The following CTNNA3 variants were observed in gnomAD, a reference collection of about 807,000 sequenced individuals.
CTNNA3 encodes the protein catenin alpha 3.
Under a neutral mutation model 95.7 loss-of-function variants are expected in CTNNA3, and 76 were observed. That is an observed-to-expected ratio of 0.79 (90% CI 0.66 to 0.96). The LOEUF is 0.96. Ranked by LOEUF, CTNNA3 falls within the 40% of genes least tolerant of loss-of-function variation. The pLI is 0.00. For missense variants in CTNNA3, 1,191 were observed against 1,089.8 expected (o/e 1.09, Z -1.31); for synonymous variants, 431 against 374.4 (o/e 1.15, Z -1.74).
chr10:65,969,072 T>C (rs941932629), intron 16 of CTNNA3, among the ~76,000 whole-genome samples: 1 of 152,176 alleles, frequency 6.6e-6, no homozygotes, highest in Non-Finnish European at 1.5e-5. Flanking sequence ...CCATCGGTAT[T>C]GGTCATACAC....
chr10:66,138,116 T>C (rs893156691), intron 13 of CTNNA3, among the ~76,000 whole-genome samples: 3 of 152,146 alleles, frequency 2.0e-5, no homozygotes, highest in Non-Finnish European at 4.4e-5. Flanking sequence ...TTGAAAAGTA[T>C]ATGAAAGAAA....
chr10:67,185,502 A>C (rs1862796605), intron 6 of CTNNA3, among the ~76,000 whole-genome samples: 1 of 152,114 alleles, frequency 6.6e-6, no homozygotes, highest in African/African-American at 2.4e-5. Flanking sequence ...ATTTTTAAAA[A>C]CATGAAAGGA....
intron 5 of CTNNA3, among the ~76,000 whole-genome samples, chr10:67,378,115 T>A (rs149041400): frequency 1.3e-5 from 2 of 152,320 alleles, no homozygotes; most frequent in Non-Finnish European, 2.9e-5. Flanking sequence ...CAGACCCTAG[T>A]GTCCTATGTT....
intron 5 of CTNNA3, among the ~76,000 whole-genome samples, chr10:67,461,224 A>G (rs1434590013): frequency 6.6e-6 from 1 of 152,216 alleles, no homozygotes; most frequent in Admixed American, 6.5e-5. Context: ...GGACATTGAG[A>G]GAACACTGAT....
chr10:67,201,843 G>T (rs995020759), intron 6 of CTNNA3, among the ~76,000 whole-genome samples: 1 of 152,152 alleles, frequency 6.6e-6, no homozygotes, highest in African/African-American at 2.4e-5. Flanking sequence ...GTGCAATGTG[G>T]AAGTATAAGG....
chr10:67,473,110 G>A (rs949362784), intron 5 of CTNNA3, among the ~76,000 whole-genome samples: 5 of 152,200 alleles, frequency 3.3e-5, no homozygotes, highest in Non-Finnish European at 5.9e-5. Flanking sequence ...AATGTTAGAT[G>A]TATGACAAAA....
At position 67,236,420 on chromosome 10, in the gene CTNNA3, A is replaced by C. The variant is rs571037957; in HGVS notation, c.580-16550T>G. On this transcript the variant is annotated intron_variant, in intron 5 of 17. Coordinates refer to ENST00000433211, the MANE Select transcript of CTNNA3 (RefSeq NM_013266.4). The stretch of plus-strand genomic sequence containing the variant: ...GCAAACTATCGCAAGAAGAAAAAAC[A>C]AAACACCGCATATTCTCACTCATAG... Among the ~76,000 whole-genome samples, 363 of 150,338 alleles carry C rather than the reference A, an allele frequency of 2.4e-3. 3 individuals are homozygous for C. Among genetic ancestry groups the C allele is most frequent in the African/African-American group, 8.6e-3 (349 of 40,816 alleles).
At chr10:66,011,558 T>C (rs998803194) in intron 15 of CTNNA3, among the ~76,000 whole-genome samples, 1 of 152,092 alleles carries the variant, frequency 6.6e-6, no homozygotes, top group Non-Finnish European at 1.5e-5. Flanking sequence ...GTCTGGAGTA[T>C]AGGAATGGCA....
At chr10:67,040,900 G>C (rs1391028812) in intron 7 of CTNNA3, among the ~76,000 whole-genome samples, 3 of 152,000 alleles carry the variant, frequency 2.0e-5, no homozygotes, top group Non-Finnish European at 4.4e-5. Context: ...AGATAAAAAA[G>C]ACCTTGACTG....
intron 5 of CTNNA3, among the ~76,000 whole-genome samples, chr10:67,518,007 G>A (rs1401782636): frequency 6.6e-6 from 1 of 152,056 alleles, no homozygotes; most frequent in East Asian, 1.9e-4. Context: ...CAGGTGCAAT[G>A]TTAAGTCCTT....
At chr10:67,043,770 T>G (rs1854553787) in intron 7 of CTNNA3, among the ~76,000 whole-genome samples, 1 of 152,182 alleles carries the variant, frequency 6.6e-6, no homozygotes, top group African/African-American at 2.4e-5. Context: ...ACAGTTTCAG[T>G]CAATCTGATT....
intron 6 of CTNNA3, among the ~76,000 whole-genome samples, chr10:67,208,972 G>A (rs1399615791): frequency 6.6e-6 from 1 of 151,978 alleles, no homozygotes; most frequent in Non-Finnish European, 1.5e-5. Flanking sequence ...AATAATAAAA[G>A]GTACCTTCCA....
At chr10:66,358,975 A>G (rs2092632805) in intron 12 of CTNNA3, among the ~76,000 whole-genome samples, 1 of 152,186 alleles carries the variant, frequency 6.6e-6, no homozygotes, top group Non-Finnish European at 1.5e-5. Flanking sequence ...TTTATAAAAG[A>G]ATCCCACTAT....
At chr10:67,585,632 T>C (rs540870726) in intron 3 of CTNNA3, among the ~76,000 whole-genome samples, 1 of 152,304 alleles carries the variant, frequency 6.6e-6, no homozygotes, top group South Asian at 2.1e-4. Flanking sequence ...TCAATATTTA[T>C]AATCGTCTCT....
At chr10:67,546,731 T>C (rs1444916004) in intron 3 of CTNNA3, among the ~76,000 whole-genome samples, 1 of 152,228 alleles carries the variant, frequency 6.6e-6, no homozygotes, top group African/African-American at 2.4e-5. Flanking sequence ...CACTTTTATA[T>C]TATTCTTGAT....
In CTNNA3 at chr10:66,175,275, A is replaced by G. The variant is rs551566174; in HGVS notation, c.1885-72026T>C. Among the ~76,000 whole-genome samples the G allele has an allele frequency of 2.6e-5, 4 of 152,260 alleles. 1 individual carries two copies. Among genetic ancestry groups the G allele is most frequent in the African/African-American group, 7.2e-5 (3 of 41,558 alleles). ...CTTCTAGATCTTGCAAGGAGTGTAT[A>G]TATCTCTTTTCTTCTACAACTGAGG... On this transcript the variant is annotated intron_variant, in intron 13 of 17. Coordinates refer to ENST00000433211, the MANE Select transcript of CTNNA3 (RefSeq NM_013266.4).
intron 1 of CTNNA3, among the ~76,000 whole-genome samples, chr10:67,688,114 G>A (rs1840768884): frequency 6.6e-6 from 1 of 152,148 alleles, no homozygotes; most frequent in Non-Finnish European, 1.5e-5. Flanking sequence ...TCAAAGGTTT[G>A]CCCTAGACCC....
intron 13 of CTNNA3, among the ~76,000 whole-genome samples, chr10:66,122,756 GA>G (rs1487671602): frequency 6.6e-6 from 1 of 152,234 alleles, no homozygotes; most frequent in Non-Finnish European, 1.5e-5. Flanking sequence ...AGAAGGCAAT[GA>G]GAAGCAAGTC....
At chr10:66,778,474 T>C (rs1001883799) in intron 7 of CTNNA3, among the ~76,000 whole-genome samples, 2 of 152,102 alleles carry the variant, frequency 1.3e-5, no homozygotes, top group Non-Finnish European at 2.9e-5. Context: ...CCTGCCTATA[T>C]CCCGAGTGCT....
Sources: allele counts gnomAD v4.1 joint callset (sites outside exome capture counted in the v4.1 genomes callset), GRCh38; gene constraint gnomAD v4.1.1; transcripts MANE v1.5; gene names NCBI Gene and HGNC (gene_info 2026-07-23, HGNC 2026-07-21).